The following PSTPIP1 variants were observed in gnomAD, a reference collection of about 807,000 sequenced individuals.
The protein encoded by PSTPIP1 is proline-serine-threonine phosphatase-interacting protein 1.
PSTPIP1 carries 66 observed loss-of-function variants against 69.6 expected under a neutral mutation model. The ratio of observed to expected loss-of-function variants is 0.95; its 90% CI spans 0.78 to 1.16. The LOEUF (loss-of-function observed/expected upper bound fraction) is 1.16. Ranked by LOEUF, PSTPIP1 falls within the 50% of genes most tolerant of loss-of-function variation. The pLI, the probability that PSTPIP1 is intolerant of heterozygous loss-of-function variation, is 0.00. For missense variants in PSTPIP1, 603 were observed against 557.4 expected, an observed-to-expected ratio of 1.08 and a Z score of -0.82; for synonymous variants, 266 against 222.7, an observed-to-expected ratio of 1.19 and a Z score of -1.73.
chr15:77,035,786 C>T lies in PSTPIP1; in HGVS notation c.986-16C>T, dbSNP rs1420454454. The T allele has an allele frequency of 6.2e-7, 1 of 1,601,822 alleles. No individual in the cohort carries two copies. The highest frequency in any genetic ancestry group is 2.2e-5 in the East Asian group (1 of 44,832). ...TCCCCAGAAGGGGAGGGGTCTATGT[C>T]TCACCCTGCTCTTAGCGTCCACAGA... On this transcript the variant is annotated splice_polypyrimidine_tract_variant and intron_variant, in intron 13 of 14. Transcript: ENST00000558012.
At position 77,025,607 on chromosome 15, in the gene PSTPIP1, G is replaced by A. The variant is rs2076262267; in HGVS notation, c.354+3G>A. The A allele has an allele frequency of 3.9e-6, 6 of 1,542,150 alleles. No homozygotes were observed. Among genetic ancestry groups the A allele is most frequent in the South Asian group, 2.4e-5 (2 of 83,914 alleles). ...GGCAGAAGGAGCAGAGGAAGAAGGT[G>A]AGGCAGGTGCAGGGGGCGGGGGAGC... On this transcript the variant is annotated splice_donor_region_variant and intron_variant, in intron 5 of 14. Coordinates refer to ENST00000558012, the MANE Select transcript of PSTPIP1 (RefSeq NM_003978.5).
chr15:77,024,115 G>A (rs1485257130), intron 3 of PSTPIP1: 1 of 152,298 alleles, frequency 6.6e-6, no homozygotes. Flanking sequence ...GAGCAGTTCT[G>A]ACGTCTGGAT....
At chr15:77,018,563 TCTC>T in intron 3 of PSTPIP1, 32 bp downstream of exon 3, 1 of 1,526,952 alleles carries the variant, frequency 6.5e-7, no homozygotes, top group Non-Finnish European at 8.8e-7. Context: ...GGCTCACTCC[TCTC>T]CTCTGCTGGC....
upstream of PSTPIP1, chr15:76,994,926 G>A (rs1042166541): frequency 7.9e-7 from 1 of 1,258,198 alleles, no homozygotes; most frequent in Non-Finnish European, 1.0e-6. Flanking sequence ...GGGGTTCCTG[G>A]GCCCCTCCTG....
At chr15:77,019,577 C>T (rs913789966) in intron 3 of PSTPIP1, among the ~76,000 whole-genome samples, 8 of 152,202 alleles carry the variant, frequency 5.3e-5, no homozygotes, top group African/African-American at 7.2e-5. Flanking sequence ...CCTGGGAGGA[C>T]GGAGGGCTCT....
chr15:77,031,808 C>A, intron 10 of PSTPIP1: 1 of 175,262 alleles, frequency 5.7e-6, no homozygotes, highest in Admixed American at 5.7e-5. Context: ...CACGGCTCTC[C>A]CGGGCAGCCC....
intron 3 of PSTPIP1, among the ~76,000 whole-genome samples, chr15:77,021,190 C>T (rs995497314): frequency 4.6e-5 from 7 of 152,210 alleles, no homozygotes; most frequent in Non-Finnish European, 1.0e-4. Context: ...AGTCCCCTGA[C>T]CTCAAACCAG....
At chr15:77,014,947 T>C (rs2076020118) in intron 1 of PSTPIP1, among the ~76,000 whole-genome samples, 1 of 152,178 alleles carries the variant, frequency 6.6e-6, no homozygotes, top group South Asian at 2.1e-4. Context: ...CTGGCTCAAG[T>C]GAGCCTCCCA....
chr15:77,029,544 A>G lies in PSTPIP1; in HGVS notation c.532A>G (p.Arg178Gly), dbSNP rs774185594. ...GTTTCCTCAGAGTCAGAACAAAGCC[A>G]GGCAGTGCAAGGACTCGGCCACCGA... ...KQVEKSQNKARQCKDSATEAE... is the reference protein window; with the variant it reads ...KQVEKSQNKAGQCKDSATEAE... Residue 178 changes from arginine (R) to glycine (G), a missense_variant, in exon 8 of 15, where the codon AGG becomes GGG. Transcript: ENST00000558012. 3 of 1,583,358 alleles carry G rather than the reference A, an allele frequency of 1.9e-6. No individual in the cohort carries two copies. Among genetic ancestry groups the G allele is most frequent in the African/African-American group, 1.3e-5 (1 of 74,152 alleles).
chr15:76,995,217 C>G lies in PSTPIP1; in HGVS notation c.-357C>G, dbSNP rs2075548325. 1 of 1,221,082 alleles carries G rather than the reference C, an allele frequency of 8.2e-7. No homozygotes were observed. The highest frequency in any genetic ancestry group is 1.6e-5 in the African/African-American group (1 of 64,302). 75.6% of individuals were successfully genotyped at this position (1,221,082 alleles called of 1,614,324 possible). The stretch of plus-strand genomic sequence containing the variant: ...CTGCCTCTTCCACTGGCCACTGCCT[C>G]CCACCCAGGGCTGGCATCCCTGCTC... On this transcript the variant is annotated 5_prime_UTR_variant, in exon 1 of 15. Coordinates refer to ENST00000558012, the MANE Select transcript of PSTPIP1 (RefSeq NM_003978.5).
Position 77,036,938 on chromosome 15 carries a change from G to A in PSTPIP1, c.1120-107G>A, listed in dbSNP as rs928055700. On this transcript the variant is annotated intron_variant, in intron 14 of 14. Transcript: ENST00000558012. ...CCAAGGGGCTGCCCCTGCCCACCCT[G>A]GGAGACATGCCGCATTTACTGCTGG... 21 of 1,478,086 alleles carry A rather than the reference G, an allele frequency of 1.4e-5. No homozygotes were observed. The Middle Eastern group carries it at 1.7e-3, about 117-fold the overall frequency. The allele number at this position is 1,478,086 out of a possible 1,614,324, so 91.6% of individuals were successfully genotyped here.
intron 7 of PSTPIP1, 62 bp from the exon 8 acceptor site, chr15:77,029,467 G>T: frequency 6.5e-7 from 1 of 1,541,794 alleles, no homozygotes; most frequent in Non-Finnish European, 8.8e-7. Flanking sequence ...CTTCAGGTCT[G>T]CTGGGGTGGG....
intron 1 of PSTPIP1, among the ~76,000 whole-genome samples, chr15:77,003,449 T>A (rs1003689733): frequency 6.6e-6 from 1 of 151,752 alleles, no homozygotes; most frequent in Non-Finnish European, 1.5e-5. Context: ...AGGTCAGGGG[T>A]TCGAGACCAG....
chr15:77,024,810 C>T (rs755116964), intron 3 of PSTPIP1, among the ~76,000 whole-genome samples: 33 of 152,102 alleles, frequency 2.2e-4, no homozygotes, highest in Non-Finnish European at 3.4e-4. Flanking sequence ...GCCTCTCCCA[C>T]GGCCATCCAA....
At position 77,037,025 on chromosome 15, in the gene PSTPIP1, GC is replaced by G. The variant is rs2076594922; in HGVS notation, c.1120-19del. 1 of 1,610,362 alleles carries G rather than the reference GC, an allele frequency of 6.2e-7. No homozygotes were observed. The highest frequency in any genetic ancestry group is 8.5e-7 in the Non-Finnish European group (1 of 1,178,424). On this transcript the variant is annotated intron_variant, in intron 14 of 14. Transcript: ENST00000558012. ...CCTGCAGGCCCTTCCAACGTCATGC[GC>G]TTTCAATCTCTTGGCCAGAACCCAG...
At chr15:77,030,742 G>A (rs2076394746) in intron 9 of PSTPIP1, among the ~76,000 whole-genome samples, 161 bp downstream of exon 9, 1 of 152,206 alleles carries the variant, frequency 6.6e-6, no homozygotes, top group African/African-American at 2.4e-5. Context: ...GCTGGGCCCT[G>A]GCCCTGTTGC....
At chr15:77,011,216 G>A (rs538673788) in intron 1 of PSTPIP1, among the ~76,000 whole-genome samples, 27 of 152,330 alleles carry the variant, frequency 1.8e-4, no homozygotes, top group African/African-American at 6.3e-4. Context: ...TAGCTGCCTC[G>A]TGGTCAGTAT....
rs766489616 is a variant in PSTPIP1, at chr15:77,009,152, G to A, written c.37-8996G>A. 4.5e-4 allele frequency among the ~76,000 whole-genome samples: 68 copies of A among 152,274 alleles called. 1 individual carries two copies. Among genetic ancestry groups the A allele is most frequent in the African/African-American group, 6.7e-4 (28 of 41,558 alleles). On this transcript the variant is annotated intron_variant, in intron 1 of 14. Coordinates refer to ENST00000558012, the MANE Select transcript of PSTPIP1 (RefSeq NM_003978.5). ...GCCAAGCAAGGATAAGGAGCCCCAC[G>A]TGCCATCCCCTGCAGGTGTGGAGTC...
intron 7 of PSTPIP1, among the ~76,000 whole-genome samples, chr15:77,029,282 G>A (rs1013334926): frequency 7.2e-5 from 11 of 152,368 alleles, no homozygotes; most frequent in Admixed American, 3.3e-4. Context: ...TCTCCTGTGG[G>A]TTGTGGTCTC....
Sources: gnomAD v4.1 joint callset for allele counts (sites outside exome capture counted in the v4.1 genomes callset) on GRCh38, gnomAD v4.1.1 for gene constraint, MANE v1.5 for transcripts, NCBI Gene and HGNC (gene_info 2026-07-23, HGNC 2026-07-21) for gene names.